HEATR1: variants seen among roughly 807,000 people sequenced by gnomAD.
HEATR1 encodes the protein HEAT repeat-containing protein 1.
In HEATR1, 77 loss-of-function variants were observed where a neutral mutation model predicts 248.2. That is an observed-to-expected ratio of 0.31 (90% confidence interval 0.26 to 0.37). HEATR1 has a LOEUF of 0.37. Among genes scored for constraint, HEATR1 ranks in the 10% least tolerant of loss-of-function variants. The pLI is 1.00. For synonymous variants in HEATR1, 897 were observed against 923.1 expected (o/e 0.97, Z 0.51); for missense variants, 2,420 against 2,504.9 (o/e 0.97, Z 0.72).
intron 6 of HEATR1, 132 bp downstream of exon 6, chr1:236,596,704 T>G: frequency 1.2e-6 from 1 of 862,656 alleles, no homozygotes; most frequent in Non-Finnish European, 1.7e-6. Context: ...ATTTTCAACC[T>G]AAAGGCTAAA....
chr1:236,558,917 A>G, intron 35 of HEATR1, 78 bp downstream of exon 35: 2 of 1,222,238 alleles, frequency 1.6e-6, no homozygotes, highest in Non-Finnish European at 2.3e-6. Context: ...GTACCACTAG[A>G]GAAATTGAAG....
chr1:236,555,888 T>C lies in HEATR1; in HGVS notation c.5566A>G (p.Lys1856Glu), dbSNP rs778311867. The change falls in exon 39 of 45, where the codon AAG becomes GAG. Residue 1856 changes from lysine to glutamate, a missense_variant. Lys to Glu is a moderately conservative substitution (Grantham distance 56). Coordinates refer to ENST00000366582, the MANE Select transcript of HEATR1 (RefSeq NM_018072.6). ...TGATGGGAGGTGAGCTCTTCCTTCTTCATCACCCCAATATGCTCTTGCAAG... is the reference window on the plus strand; with the variant it reads ...TGATGGGAGGTGAGCTCTTCCTTCTCCATCACCCCAATATGCTCTTGCAAG... ...SILQEHIGVM[K>E]KEELTSHQSQ... is the part of the protein sequence containing the mutation. 2 of 1,613,816 alleles carry C rather than the reference T, an allele frequency of 1.2e-6. No homozygotes were observed. The highest frequency in any genetic ancestry group is 2.2e-5 in the South Asian group (2 of 91,074).
Position 236,553,681 on chromosome 1 carries a change from A to G in HEATR1, c.6137T>C (p.Ile2046Thr). 6.2e-7 allele frequency: 1 copy of G among 1,613,960 alleles called. No individual in the cohort carries two copies. The highest frequency in any genetic ancestry group is 1.1e-5 in the South Asian group (1 of 91,018). ...KFQERVTKHL[I>T]PCIAQFSVAM... ...CACCGAAAACTGTGCGATGCATGGT[A>G]TCAGGTGCTTTGTCACCCGTTCCTG... The change falls in exon 43 of 45, where the codon ATA becomes ACA. Residue 2046 changes from isoleucine (I) to threonine (T), a missense_variant. Coordinates refer to ENST00000366582, the MANE Select transcript of HEATR1 (RefSeq NM_018072.6).
chr1:236,597,316 G>A (rs1245513795), intron 5 of HEATR1, among the ~76,000 whole-genome samples: 3 of 147,694 alleles, frequency 2.0e-5, no homozygotes, highest in African/African-American at 7.6e-5. Context: ...ACAGTGGCAT[G>A]ATCTTGGGTC....
intron 38 of HEATR1, 43 bp downstream of exon 38, chr1:236,556,057 A>G (rs1662966883): frequency 6.2e-7 from 1 of 1,611,428 alleles, no homozygotes. Context: ...TTGCAGTACC[A>G]CCTCTCCCTT....
rs1664019773 is a variant in HEATR1 at position 236,590,932 on chromosome 1, G to A, written c.1445C>T (p.Ser482Phe). ...TGGATGATTCAGGCTGAGCATCAAA[G>A]AAGTATCAGAATCTGCTAAAAACTA... ...KYQFLADSDT[S>F]LMLSLNHPLA... The change falls in exon 12 of 45, where the codon TCT (serine) becomes TTT (phenylalanine). Residue 482 changes from serine (S) to phenylalanine (F), a missense_variant. Ser to Phe is a radical substitution (Grantham distance 155). Transcript: ENST00000366582. 6.7e-7 allele frequency: 1 copy of A among 1,492,400 alleles called. No homozygotes were observed. The highest frequency in any genetic ancestry group is 1.5e-5 in the South Asian group (1 of 68,312). The allele number at this position is 1,492,400 out of a possible 1,614,324, so 92.4% of individuals were successfully genotyped here.
At chr1:236,573,413 A>G (rs1410222148) in intron 24 of HEATR1, among the ~76,000 whole-genome samples, 2 of 152,210 alleles carry the variant, frequency 1.3e-5, no homozygotes, top group Admixed American at 6.5e-5. Flanking sequence ...CTCTTTTTAT[A>G]AGGTTCTAAC....
At position 236,571,670 on chromosome 1, in the gene HEATR1, G is replaced by A. The variant is rs968923678; in HGVS notation, c.3724C>T (p.Pro1242Ser). 3 of 1,612,516 alleles carry A rather than the reference G, an allele frequency of 1.9e-6. No homozygotes were observed. In the African/African-American group the frequency reaches 4.0e-5, roughly 22 times the overall value. The change falls in exon 27 of 45, where the codon CCA becomes TCA. Residue 1242 changes from proline (P) to serine (S), a missense_variant. By Grantham distance (74) the Pro-to-Ser change is moderately conservative. Coordinates refer to ENST00000366582, the MANE Select transcript of HEATR1 (RefSeq NM_018072.6). Reference protein sequence around the residue: ...NLLSRCLEPLPQEQGNMEYTK... With the variant: ...NLLSRCLEPLSQEQGNMEYTK... Reference sequence around the variant, plus strand: ...TATTCCATATTTCCCTGCTCTTGTGGCAAGGGTTCTAAACATCTTCAGGAC... The same window carrying A: ...TATTCCATATTTCCCTGCTCTTGTGACAAGGGTTCTAAACATCTTCAGGAC...
chr1:236,564,262 T>C (rs564853632), intron 32 of HEATR1, among the ~76,000 whole-genome samples: 2 of 152,222 alleles, frequency 1.3e-5, no homozygotes, highest in African/African-American at 4.8e-5. Context: ...AAACTTCTGA[T>C]GGGTACACAA....
At chr1:236,559,509 A>G (rs1663066027) in intron 34 of HEATR1, among the ~76,000 whole-genome samples, 1 of 152,250 alleles carries the variant, frequency 6.6e-6, no homozygotes, top group African/African-American at 2.4e-5. Flanking sequence ...TATACGAGGT[A>G]CATGTTCTCA....
At chr1:236,583,645 C>A (rs970888573) in intron 17 of HEATR1, among the ~76,000 whole-genome samples, 1 of 152,042 alleles carries the variant, frequency 6.6e-6, no homozygotes, top group Admixed American at 6.6e-5. Context: ...CGCCATCATG[C>A]CTGGCTAATT....
At chr1:236,563,775 A>C (rs1244158309) in intron 32 of HEATR1, among the ~76,000 whole-genome samples, 1 of 152,078 alleles carries the variant, frequency 6.6e-6, no homozygotes, top group Non-Finnish European at 1.5e-5. Flanking sequence ...AGTTTAATAC[A>C]CAAACAGAGA....
chr1:236,573,184 G>A (rs1435462377), intron 24 of HEATR1, among the ~76,000 whole-genome samples: 1 of 152,266 alleles, frequency 6.6e-6, no homozygotes, highest in East Asian at 1.9e-4. Context: ...TTATGATACA[G>A]TATCACTTCT....
intron 44 of HEATR1, chr1:236,551,797 A>G: frequency 1.9e-6 from 1 of 534,304 alleles, no homozygotes. Flanking sequence ...GGAGGTGGTC[A>G]CTTCGCAACT....
intron 15 of HEATR1, 70 bp downstream of exon 15, chr1:236,586,171 T>A: frequency 7.3e-7 from 1 of 1,370,428 alleles, no homozygotes; most frequent in Non-Finnish European, 9.9e-7. Context: ...CAACAATAAA[T>A]TTTAAATTTT....
chr1:236,572,121 C>G (rs904676849), intron 26 of HEATR1, among the ~76,000 whole-genome samples: 1 of 152,074 alleles, frequency 6.6e-6, no homozygotes, highest in African/African-American at 2.4e-5. Flanking sequence ...ATAAATTCAA[C>G]ACTATATCTT....
intron 43 of HEATR1, 168 bp from the exon 44 acceptor site, chr1:236,552,275 A>G (rs893111373): frequency 7.4e-5 from 37 of 498,460 alleles, no homozygotes; most frequent in African/African-American, 5.9e-4. Context: ...CAGTTTCACC[A>G]TTTGGGAGCT....
Position 236,587,479 on chromosome 1 carries a change from T to G in HEATR1, c.1638A>C (p.Glu546Asp). ...SAISAFEIFK[E>D]HFSSEVTISN... ...AAATCGTCACTTCTGAACTGAAGTG[T>G]TCTTTGAAAATCTAAAGGGAAAAAA... Residue 546 changes from glutamate to aspartate, a missense_variant, in exon 14 of 45, where the codon GAA becomes GAC. By Grantham distance (45) the Glu-to-Asp change is conservative. Coordinates refer to ENST00000366582, the MANE Select transcript of HEATR1 (RefSeq NM_018072.6). 6.6e-7 allele frequency: 1 copy of G among 1,505,608 alleles called. No homozygotes were observed. The highest frequency in any genetic ancestry group is 9.0e-7 in the Non-Finnish European group (1 of 1,116,604). The allele number at this position is 1,505,608 out of a possible 1,614,324, so 93.3% of individuals were successfully genotyped here. A position where few individuals can be genotyped will look rare whatever the true frequency, so the allele number is the denominator to read the frequency against.
intron 17 of HEATR1, 140 bp downstream of exon 17, chr1:236,584,885 C>T: frequency 4.4e-6 from 3 of 680,856 alleles, no homozygotes; most frequent in Non-Finnish European, 7.1e-6. Context: ...CTCACTGCTA[C>T]CCAAGACTGC....
Sources: allele counts gnomAD v4.1 joint callset (sites outside exome capture counted in the v4.1 genomes callset), GRCh38; gene constraint gnomAD v4.1.1; transcripts MANE v1.5; gene names NCBI Gene and HGNC (gene_info 2026-07-23, HGNC 2026-07-21).